Variants in ZFAND6 observed in about 807,000 individuals in gnomAD.
ZFAND6 encodes zinc finger AN1-type containing 6, also known as AN1-type zinc finger protein 6.
A neutral mutation model predicts 24.5 loss-of-function variants in ZFAND6; 12 were observed. The observed-to-expected ratio is 0.49, with a 90% confidence interval of 0.31 to 0.79. The LOEUF is 0.79. Ranked by LOEUF, ZFAND6 falls within the 30% of genes least tolerant of loss-of-function variation. The pLI, the probability that ZFAND6 is intolerant of heterozygous loss-of-function variation, is 0.04. For missense variants in ZFAND6, 207 were observed against 245.9 expected (o/e 0.84, Z 1.06); for synonymous variants, 92 against 81.5 (o/e 1.13, Z -0.69).
At chr15:80,065,537 ATTTTTTTTTTTTTT>A (rs149756891) in intron 1 of ZFAND6, among the ~76,000 whole-genome samples, 3 of 76,506 alleles carry the variant, frequency 3.9e-5, no homozygotes, top group Admixed American at 1.7e-4. Flanking sequence ...TTTGGTTTTG[ATTTTTTTTTTTTTT>A]TTTTTTTTTT....
chr15:80,088,825 G>C (rs1429246733), intron 1 of ZFAND6, among the ~76,000 whole-genome samples: 2 of 152,148 alleles, frequency 1.3e-5, no homozygotes, highest in Non-Finnish European at 2.9e-5. Flanking sequence ...TAGCTCCTTA[G>C]TTGCACTAGC....
rs55872915 is a variant in ZFAND6 at position 80,127,589 on chromosome 15, CAAAAAAAAAAA to C, written c.365-3575_365-3565del. On this transcript the variant is annotated intron_variant, in intron 5 of 6. Transcript: ENST00000261749. ...TGGGCAAAAGGGCAAAACTCCATCT[CAAAAAAAAAAA>C]AAAAAAAAAAAAAAACCATGCTCAA... Among the ~76,000 whole-genome samples, 481 of 120,082 alleles carry C rather than the reference CAAAAAAAAAAA, an allele frequency of 4.0e-3. 2 individuals carry two copies. Among genetic ancestry groups the C allele is most frequent in the African/African-American group, 0.017 (467 of 27,274 alleles). 78.8% of individuals were successfully genotyped at this position (120,082 alleles called of 152,430 possible).
intron 1 of ZFAND6, among the ~76,000 whole-genome samples, chr15:80,061,132 A>G (rs1440191528): frequency 1.6e-4 from 25 of 152,236 alleles, no homozygotes. Flanking sequence ...TTTGCAAAAT[A>G]TGCACGTTTA....
chr15:80,102,557 A>G (rs550250499), intron 2 of ZFAND6, among the ~76,000 whole-genome samples: 1 of 152,346 alleles, frequency 6.6e-6, no homozygotes, highest in Admixed American at 6.5e-5. Context: ...TTTTACATTT[A>G]AATGCTAGTA....
chr15:80,137,563 G>A lies in ZFAND6; in HGVS notation c.562G>A (p.Asp188Asn), dbSNP rs550628286. The change falls in exon 7 of 7, where the codon GAT becomes AAT. Residue 188 changes from aspartate (D) to asparagine (N), a missense_variant. By Grantham distance (23) the Asp-to-Asn change is conservative. This residue lies in a region of ZFAND6 where 45 missense variants were observed against 67.7 expected (regional missense o/e 0.66). Transcript: ENST00000261749. ...CAATTGCTCTTACAATTACAAAGCC[G>A]ATGCTGCTGAGAAAATCAGAAAAGA... ...VHNCSYNYKADAAEKIRKENP... is the reference protein window; with the variant it reads ...VHNCSYNYKANAAEKIRKENP... The A allele has an allele frequency of 3.7e-6, 6 of 1,604,518 alleles. No individual in the cohort carries two copies. The highest frequency in any genetic ancestry group is 1.1e-5 in the South Asian group (1 of 88,974).
rs1357807933 is a variant in ZFAND6, at chr15:80,137,619, A to G, written c.618A>G (p.Gln206=). The change falls in exon 7 of 7, where the codon CAA becomes CAG. Residue 206 remains glutamine, a synonymous_variant. Coordinates refer to ENST00000261749, the MANE Select transcript of ZFAND6 (RefSeq NM_019006.4). Reference sequence around the variant, plus strand: ...CAGTAGTTGTTGGTGAAAAGATCCAAAAGATTTGAACTCCTGCTGGAATAC... The same window carrying G: ...CAGTAGTTGTTGGTGAAAAGATCCAGAAGATTTGAACTCCTGCTGGAATAC... ...ENPVVVGEKI[Q]KI 1.3e-6 allele frequency: 2 copies of G among 1,585,594 alleles called. No homozygotes were observed. The highest frequency in any genetic ancestry group is 1.7e-6 in the Non-Finnish European group (2 of 1,171,388).
chr15:80,115,335 G>T (rs572232286), intron 2 of ZFAND6, among the ~76,000 whole-genome samples: 2 of 152,204 alleles, frequency 1.3e-5, no homozygotes, highest in African/African-American at 4.8e-5. Context: ...ATAGGCTTTT[G>T]TTTATTATAC....
At chr15:80,112,182 C>A (rs892581729) in intron 2 of ZFAND6, among the ~76,000 whole-genome samples, 1 of 152,052 alleles carries the variant, frequency 6.6e-6, no homozygotes, top group Non-Finnish European at 1.5e-5. Context: ...ATTGCTTGAA[C>A]CTGGGAGGCA....
At chr15:80,074,146 T>C (rs1188773246) in intron 1 of ZFAND6, among the ~76,000 whole-genome samples, 1 of 151,970 alleles carries the variant, frequency 6.6e-6, no homozygotes, top group East Asian at 1.9e-4. Flanking sequence ...GACTTGTTGA[T>C]TAGTTTTTGC....
intron 3 of ZFAND6, among the ~76,000 whole-genome samples, 158 bp from the exon 4 acceptor site, chr15:80,121,554 C>A (rs894708003): frequency 6.6e-6 from 1 of 151,946 alleles, no homozygotes; most frequent in Non-Finnish European, 1.5e-5. Context: ...ACTGGCAAAC[C>A]GTTGAAAAAT....
At chr15:80,091,816 T>A (rs1303610669) in intron 1 of ZFAND6, among the ~76,000 whole-genome samples, 2 of 152,080 alleles carry the variant, frequency 1.3e-5, no homozygotes, top group Non-Finnish European at 2.9e-5. Flanking sequence ...ATTTTAAAAT[T>A]TTTTGTAGAG....
intron 1 of ZFAND6, among the ~76,000 whole-genome samples, chr15:80,094,300 C>T (rs2038574753): frequency 6.6e-6 from 1 of 152,180 alleles, no homozygotes; most frequent in Admixed American, 6.5e-5. Flanking sequence ...GCTGGCATTA[C>T]CACTTGAGCT....
At chr15:80,110,692 A>G (rs80199326) in intron 2 of ZFAND6, among the ~76,000 whole-genome samples, 1,979 of 152,236 alleles carry the variant, frequency 0.013, 33 homozygotes, top group African/African-American at 0.045. Flanking sequence ...AGACCCATAC[A>G]TGTATGAGGC....
chr15:80,137,427 A>C, intron 6 of ZFAND6, 53 bp from the exon 7 acceptor site: 1 of 1,561,780 alleles, frequency 6.4e-7, no homozygotes, highest in East Asian at 2.3e-5. Context: ...ATTATGCCAA[A>C]GACCTTAATA....
At chr15:80,089,936 A>G (rs934935994) in intron 1 of ZFAND6, among the ~76,000 whole-genome samples, 1 of 152,142 alleles carries the variant, frequency 6.6e-6, no homozygotes, top group Non-Finnish European at 1.5e-5. Flanking sequence ...TTAGTCTGTA[A>G]TATCCTTCAT....
chr15:80,116,451 C>T lies in ZFAND6; in HGVS notation c.-17-3877C>T, dbSNP rs138847365. Among the ~76,000 whole-genome samples the T allele has an allele frequency of 1.6e-3, 251 of 152,242 alleles. 2 individuals are homozygous for T. Among genetic ancestry groups the T allele is most frequent in the African/African-American group, 5.7e-3 (235 of 41,534 alleles). ...AGGAAAATAACCACTTTCCTCTCCCCCACACTTGTTAATGAGAAGAGTGGC... is the reference window on the plus strand; with the variant it reads ...AGGAAAATAACCACTTTCCTCTCCCTCACACTTGTTAATGAGAAGAGTGGC... On this transcript the variant is annotated intron_variant, in intron 2 of 6. Coordinates refer to ENST00000261749, the MANE Select transcript of ZFAND6 (RefSeq NM_019006.4).
At chr15:80,073,202 C>T (rs2037074640) in intron 1 of ZFAND6, 2 of 196,464 alleles carry the variant, frequency 1.0e-5, no homozygotes, top group Non-Finnish European at 2.2e-5. Flanking sequence ...TTAAAAAGGC[C>T]ATTGATGAAC....
At chr15:80,077,635 AATT>A (rs2037358709) in intron 1 of ZFAND6, among the ~76,000 whole-genome samples, 1 of 152,120 alleles carries the variant, frequency 6.6e-6, no homozygotes, top group Admixed American at 6.5e-5. Context: ...AATTAAAGGT[AATT>A]ATAAGCATAG....
chr15:80,101,552 A>G (rs533713158), intron 2 of ZFAND6, among the ~76,000 whole-genome samples: 2 of 152,270 alleles, frequency 1.3e-5, no homozygotes, highest in Admixed American at 6.5e-5. Flanking sequence ...CTCAGTAGCT[A>G]CATGTGACTG....
Sources: gnomAD v4.1 joint callset for allele counts (sites outside exome capture counted in the v4.1 genomes callset) on GRCh38, gnomAD v4.1.1 for gene constraint, gnomAD v4.1.1 regional missense constraint, MANE v1.5 for transcripts, NCBI Gene and HGNC (gene_info 2026-07-23, HGNC 2026-07-21) for gene names.